The following GALNT17 variants were observed in gnomAD, a reference collection of about 807,000 sequenced individuals.
The protein encoded by GALNT17 is polypeptide N-acetylgalactosaminyltransferase 17.
GALNT17 carries 29 observed loss-of-function variants against 63.7 expected under a neutral mutation model. The ratio of observed to expected loss-of-function variants is 0.46; its 90% CI spans 0.34 to 0.62. The LOEUF is 0.62. Ranked by LOEUF, GALNT17 falls within the 20% of genes least tolerant of loss-of-function variation. GALNT17 has a pLI of 0.01. For synonymous variants in GALNT17, 305 were observed against 318.3 expected, an observed-to-expected ratio of 0.96 and a Z score of 0.45; for missense variants, 603 against 799.6, an observed-to-expected ratio of 0.75 and a Z score of 2.97.
chr7:71,610,942 C>T (rs6970851), intron 6 of GALNT17, among the ~76,000 whole-genome samples: 16,484 of 148,882 alleles, frequency 0.11, 1,062 homozygotes, highest in Non-Finnish European at 0.15. Context: ...GCCGAGATCA[C>T]GCCACTGCAC....
At chr7:71,689,347 A>G (rs1791408658) in intron 9 of GALNT17, among the ~76,000 whole-genome samples, 1 of 152,236 alleles carries the variant, frequency 6.6e-6, no homozygotes, top group Non-Finnish European at 1.5e-5. Context: ...ATGCAAAGGA[A>G]AAGTTATTGA....
intron 1 of GALNT17, among the ~76,000 whole-genome samples, chr7:71,238,766 A>T (rs1789941159): frequency 6.6e-6 from 1 of 152,114 alleles, no homozygotes; most frequent in African/African-American, 2.4e-5. Flanking sequence ...ACCCTTGTTA[A>T]TCCTCTCCCC....
chr7:71,405,064 A>C (rs1285821386), intron 3 of GALNT17, among the ~76,000 whole-genome samples: 3 of 152,238 alleles, frequency 2.0e-5, no homozygotes, highest in African/African-American at 7.2e-5. Context: ...AACCCTGTGC[A>C]GTGGAATAAT....
chr7:71,584,318 CTTTTA>C (rs533518623), intron 6 of GALNT17, among the ~76,000 whole-genome samples: 142 of 152,226 alleles, frequency 9.3e-4, no homozygotes, highest in African/African-American at 3.2e-3. Context: ...ATGCTAATTT[CTTTTA>C]TTTTAATTCA....
chr7:71,161,245 A>T (rs1788336721), intron 1 of GALNT17, among the ~76,000 whole-genome samples: 1 of 152,196 alleles, frequency 6.6e-6, no homozygotes, highest in African/African-American at 2.4e-5. Flanking sequence ...ATTATAATTT[A>T]AAAACCTTGT....
In GALNT17 at chr7:71,458,230, A is replaced by G. The variant is rs547500167; in HGVS notation, c.962+37125A>G. On this transcript the variant is annotated intron_variant, in intron 5 of 10. Coordinates refer to ENST00000333538, the MANE Select transcript of GALNT17 (RefSeq NM_022479.3). ...AATTGGTCTTTGTTTGCTCCAGAAC[A>G]TAGAAAGTAGAGCTTTTTCATTGCA... Among the ~76,000 whole-genome samples the G allele has an allele frequency of 9.8e-5, 15 of 152,348 alleles. No homozygotes were observed. In the South Asian group the frequency reaches 2.7e-3, roughly 27 times the overall value.
At chr7:71,144,582 A>G (rs1336116280) in intron 1 of GALNT17, among the ~76,000 whole-genome samples, 1 of 152,132 alleles carries the variant, frequency 6.6e-6, no homozygotes, top group African/African-American at 2.4e-5. Context: ...TTACAGGACC[A>G]ATAGGTTCAT....
intron 5 of GALNT17, among the ~76,000 whole-genome samples, chr7:71,505,984 C>G (rs1286954130): frequency 6.6e-6 from 1 of 151,552 alleles, no homozygotes; most frequent in African/African-American, 2.4e-5. Context: ...TTCTCTGCCT[C>G]TTGGCTACAG....
chr7:71,162,012 C>T (rs1177488020), intron 1 of GALNT17, among the ~76,000 whole-genome samples: 1 of 149,434 alleles, frequency 6.7e-6, no homozygotes, highest in Non-Finnish European at 1.5e-5. Context: ...CCTTCTTCCT[C>T]CTTCCTTCCT....
intron 6 of GALNT17, among the ~76,000 whole-genome samples, chr7:71,591,651 G>T (rs1174492883): frequency 6.6e-6 from 1 of 151,074 alleles, no homozygotes; most frequent in African/African-American, 2.5e-5. Context: ...ACTGTTGATT[G>T]TTTGTTTGTT....
intron 6 of GALNT17, among the ~76,000 whole-genome samples, chr7:71,629,662 T>C (rs1308433966): frequency 1.3e-5 from 2 of 152,094 alleles, no homozygotes; most frequent in South Asian, 2.1e-4. Flanking sequence ...TTTTGGAGAA[T>C]TGGGAGTTGG....
At chr7:71,708,459 C>A (rs1791749661) in intron 9 of GALNT17, among the ~76,000 whole-genome samples, 1 of 149,248 alleles carries the variant, frequency 6.7e-6, no homozygotes, top group Non-Finnish European at 1.5e-5. Flanking sequence ...TCCCACCGGT[C>A]CCTCCCACAA....
At chr7:71,432,996 A>G (rs983017374) in intron 5 of GALNT17, among the ~76,000 whole-genome samples, 1 of 152,148 alleles carries the variant, frequency 6.6e-6, no homozygotes, top group African/African-American at 2.4e-5. Context: ...TTTTTAGTAG[A>G]GACAGGGTTT....
intron 2 of GALNT17, among the ~76,000 whole-genome samples, chr7:71,350,626 T>A (rs1204403605): frequency 6.6e-6 from 1 of 152,340 alleles, no homozygotes; most frequent in South Asian, 2.1e-4. Context: ...CTAGAGATTA[T>A]TTAAAGTATC....
At chr7:71,482,895 A>G (rs1192123611) in intron 5 of GALNT17, among the ~76,000 whole-genome samples, 4 of 152,138 alleles carry the variant, frequency 2.6e-5, no homozygotes, top group African/African-American at 7.2e-5. Context: ...AAGAGTGTTC[A>G]TGCTCCTATG....
intron 1 of GALNT17, among the ~76,000 whole-genome samples, chr7:71,289,792 T>C (rs1790943680): frequency 6.6e-6 from 1 of 151,994 alleles, no homozygotes; most frequent in African/African-American, 2.4e-5. Flanking sequence ...GGCAGGAGTA[T>C]TGCTTGAAAG....
At chr7:71,348,582 G>A (rs1382093774) in intron 2 of GALNT17, among the ~76,000 whole-genome samples, 1 of 152,108 alleles carries the variant, frequency 6.6e-6, no homozygotes, top group South Asian at 2.1e-4. Flanking sequence ...TATAACCCCC[G>A]GGGTCATTGA....
At chr7:71,239,295 A>ACCC (rs35429124) in intron 1 of GALNT17, among the ~76,000 whole-genome samples, 40 of 137,256 alleles carry the variant, frequency 2.9e-4, no homozygotes, top group African/African-American at 9.8e-4. Flanking sequence ...CCCTGTCTGT[A>ACCC]CCCCCCCCCA....
At chr7:71,681,313 G>A (rs1380136402) in intron 9 of GALNT17, among the ~76,000 whole-genome samples, 1 of 152,204 alleles carries the variant, frequency 6.6e-6, no homozygotes, top group African/African-American at 2.4e-5. Flanking sequence ...CCTGGGGGTG[G>A]GAGAGGTGAT....
Sources: gnomAD v4.1 joint callset for allele counts (sites outside exome capture counted in the v4.1 genomes callset) on GRCh38, gnomAD v4.1.1 for gene constraint, MANE v1.5 for transcripts, NCBI Gene and HGNC (gene_info 2026-07-23, HGNC 2026-07-21) for gene names.